Variants in XIRP2 observed in about 807,000 individuals in gnomAD.
XIRP2 encodes the protein xin actin binding repeat containing 2, also known as xin actin-binding repeat-containing protein 2.
In XIRP2, 236 loss-of-function variants were observed where a neutral mutation model predicts 277.0. That is an observed-to-expected ratio of 0.85 (90% CI 0.77 to 0.95). The LOEUF is 0.95. Among genes scored for constraint, XIRP2 ranks in the 40% least tolerant of loss-of-function variants. The pLI, the probability that XIRP2 is intolerant of heterozygous loss-of-function variation, is 0.00. For missense variants in XIRP2, 4,640 were observed against 4,157.5 expected (o/e 1.12, Z -3.19); for synonymous variants, 1,490 against 1,416.5 (o/e 1.05, Z -1.17).
chr2:166,945,015 CT>C (rs1158753529), intron 2 of XIRP2, among the ~76,000 whole-genome samples: 1 of 152,094 alleles, frequency 6.6e-6, no homozygotes, highest in Non-Finnish European at 1.5e-5. Context: ...GTCAACTCTG[CT>C]TGTGTTTGCT....
intron 2 of XIRP2, among the ~76,000 whole-genome samples, chr2:167,006,519 T>C (rs1263813672): frequency 2.6e-5 from 4 of 151,832 alleles, no homozygotes; most frequent in Non-Finnish European, 4.4e-5. Context: ...AATGTGTTTT[T>C]GTGATTTCTG....
At chr2:166,936,312 G>A (rs1402885632) in intron 2 of XIRP2, among the ~76,000 whole-genome samples, 1 of 152,016 alleles carries the variant, frequency 6.6e-6, no homozygotes, top group Non-Finnish European at 1.5e-5. Flanking sequence ...CTGGATATTA[G>A]CCCTTTGTCA....
At chr2:167,230,701 T>C (rs1694723648) in intron 5 of XIRP2, among the ~76,000 whole-genome samples, 1 of 152,102 alleles carries the variant, frequency 6.6e-6, no homozygotes, top group African/African-American at 2.4e-5. Flanking sequence ...GAAATCAACA[T>C]GTAGAATGCT....
At chr2:167,084,279 T>C (rs568182349) in intron 2 of XIRP2, among the ~76,000 whole-genome samples, 137 of 152,300 alleles carry the variant, frequency 9.0e-4, no homozygotes, top group African/African-American at 2.7e-3. Flanking sequence ...CCTTGCATCC[T>C]AGGGATGAAG....
At chr2:167,256,575 G>A (rs543477380) in intron 10 of XIRP2, among the ~76,000 whole-genome samples, 1 of 151,396 alleles carries the variant, frequency 6.6e-6, no homozygotes, top group Admixed American at 6.6e-5. Context: ...TATATTTTTA[G>A]GGCATGTTTT....
At chr2:166,893,207 A>C (rs1684153386) in intron 1 of XIRP2, among the ~76,000 whole-genome samples, 1 of 152,072 alleles carries the variant, frequency 6.6e-6, no homozygotes. Flanking sequence ...GGAAATTTAA[A>C]AATATTCCAG....
In XIRP2 at chr2:167,140,419, A is replaced by G. The variant is rs1000386262; in HGVS notation, c.562+4357A>G. 3.3e-5 allele frequency among the ~76,000 whole-genome samples: 5 copies of G among 152,214 alleles called. No homozygotes were observed. The East Asian group carries it at 9.6e-4, about 29-fold the overall frequency. ...AACAGCACCATTTCTTTATTAAAAC[A>G]GGGCTTCTTTGGAAACTTCGGAGTA... On this transcript the variant is annotated intron_variant, in intron 3 of 10. Coordinates refer to ENST00000409195, the MANE Select transcript of XIRP2 (RefSeq NM_152381.6).
chr2:167,108,758 ACT>A (rs1027337796), intron 2 of XIRP2, among the ~76,000 whole-genome samples: 2 of 151,526 alleles, frequency 1.3e-5, no homozygotes, highest in Non-Finnish European at 2.9e-5. Flanking sequence ...TAAAATGTAC[ACT>A]CTTTAAATGT....
rs750212251 is a variant in XIRP2, at chr2:167,248,617, G to A, written c.7225G>A (p.Ala2409Thr). Residue 2409 changes from alanine to threonine, a missense_variant, in exon 9 of 11, where the codon GCT becomes ACT. Ala to Thr is a moderately conservative substitution (Grantham distance 58). Transcript: ENST00000409195. ...AGCCTCGAACTCTCAGAATTCTCAG[G>A]CTAAAATCATAACAGGAAAAACCGG... Reference protein sequence around the residue: ...KEASNSQNSQAKIITGKTGVL... With the variant: ...KEASNSQNSQTKIITGKTGVL... The A allele has an allele frequency of 6.2e-7, 1 of 1,613,640 alleles. No individual in the cohort carries two copies. Among genetic ancestry groups the A allele is most frequent in the African/African-American group, 1.3e-5 (1 of 74,942 alleles).
chr2:166,942,924 CTTG>C (rs1259192246), intron 2 of XIRP2, among the ~76,000 whole-genome samples: 17 of 152,182 alleles, frequency 1.1e-4, no homozygotes, highest in African/African-American at 3.9e-4. Context: ...AACAGCATCT[CTTG>C]TTGTTAGTAA....
intron 2 of XIRP2, among the ~76,000 whole-genome samples, chr2:166,935,578 A>G (rs904930521): frequency 2.0e-5 from 3 of 152,154 alleles, no homozygotes; most frequent in Non-Finnish European, 2.9e-5. Flanking sequence ...CCACTCCATG[A>G]TAGGCCCTGG....
rs370320240 is a variant in XIRP2 at position 167,249,291 on chromosome 2, G to T, written c.7899G>T (p.Ser2633=). 3 of 1,613,688 alleles carry T rather than the reference G, an allele frequency of 1.9e-6. No individual in the cohort carries two copies. The highest frequency in any genetic ancestry group is 2.5e-6 in the Non-Finnish European group (3 of 1,179,772). Residue 2633 remains serine, a synonymous_variant, in exon 9 of 11, where the codon TCG becomes TCT. Transcript: ENST00000409195. The part of the protein sequence containing the change: ...VCSDNQLSTT[S]PETVAAKRLH... ...CTGATAACCAACTCTCCACAACATC[G>T]CCAGAAACAGTCGCTGCCAAGAGGC... is the stretch of plus-strand genomic sequence containing the variant.
At chr2:167,137,757 T>C (rs1009135710) in intron 3 of XIRP2, among the ~76,000 whole-genome samples, 3 of 152,168 alleles carry the variant, frequency 2.0e-5, no homozygotes, top group African/African-American at 7.2e-5. Context: ...AAACACAAGG[T>C]GGGAAAATTG....
intron 3 of XIRP2, among the ~76,000 whole-genome samples, chr2:167,182,289 A>G (rs1185147106): frequency 1.3e-5 from 2 of 152,152 alleles, no homozygotes; most frequent in African/African-American, 4.8e-5. Flanking sequence ...TGAAACTTTC[A>G]TATTCATATG....
intron 2 of XIRP2, among the ~76,000 whole-genome samples, chr2:166,963,534 G>C (rs1436446534): frequency 6.6e-6 from 1 of 151,810 alleles, no homozygotes; most frequent in Non-Finnish European, 1.5e-5. Flanking sequence ...CGTAAGGAAT[G>C]GTCAGTCATG....
Position 166,888,813 on chromosome 2 carries a change from G to A in XIRP2, c.-19+256G>A, listed in dbSNP as rs901161798. On this transcript the variant is annotated intron_variant, in intron 1 of 10. Transcript: ENST00000409195. ...AAACAATTTAATCTGGGGCAGCAAT[G>A]TGCCCAGAGAAAAAATAGTTAATCT... 7.2e-5 allele frequency among the ~76,000 whole-genome samples: 11 copies of A among 152,132 alleles called. 1 individual carries two copies. Among genetic ancestry groups the A allele is most frequent in the African/African-American group, 2.7e-4 (11 of 41,450 alleles).
chr2:166,943,496 C>G (rs1249353936), intron 2 of XIRP2, among the ~76,000 whole-genome samples: 1 of 152,194 alleles, frequency 6.6e-6, no homozygotes, highest in African/African-American at 2.4e-5. Flanking sequence ...TTTTGTTCAT[C>G]ATATCACCAC....
At chr2:167,153,211 A>G (rs965987251) in intron 3 of XIRP2, among the ~76,000 whole-genome samples, 2 of 152,134 alleles carry the variant, frequency 1.3e-5, no homozygotes, top group Admixed American at 1.3e-4. Flanking sequence ...GCACTTTCAT[A>G]TAGAGACTCA....
At chr2:167,017,624 T>C (rs765568890) in intron 2 of XIRP2, among the ~76,000 whole-genome samples, 1 of 151,994 alleles carries the variant, frequency 6.6e-6, no homozygotes, top group Non-Finnish European at 1.5e-5. Flanking sequence ...GACTCCATCA[T>C]TGTGAGTCAT....
Sources: gnomAD v4.1 joint callset for allele counts (sites outside exome capture counted in the v4.1 genomes callset) on GRCh38, gnomAD v4.1.1 for gene constraint, MANE v1.5 for transcripts, NCBI Gene and HGNC (gene_info 2026-07-23, HGNC 2026-07-21) for gene names.